NRK: variants seen among roughly 807,000 people sequenced by gnomAD.
NRK encodes nik-related protein kinase.
NRK carries 67 observed loss-of-function variants against 125.2 expected under a neutral mutation model. The ratio of observed to expected loss-of-function variants is 0.54; its 90% CI spans 0.44 to 0.66. The LOEUF (loss-of-function observed/expected upper bound fraction) is 0.66, where lower values mean the gene tolerates loss of function less well. NRK is among the 30% of genes least tolerant of loss of function. The probability of loss-of-function intolerance (pLI) is 0.00; values close to 1 mark genes in which losing one functional copy is unlikely to be tolerated. For synonymous variants in NRK, 458 were observed against 429.0 expected (o/e 1.07, Z -0.84); for missense variants, 1,224 against 1,192.9 (o/e 1.03, Z -0.38).
intron 1 of NRK, 77 bp downstream of exon 1, chrX:105,822,979 G>A: frequency 1.1e-6 from 1 of 936,798 alleles, no homozygotes; most frequent in Non-Finnish European, 1.5e-6. Flanking sequence ...GGGAGCGGAC[G>A]CCCTCAAAAC....
chrX:105,895,649 C>A, intron 7 of NRK, 126 bp downstream of exon 7: 1 of 464,423 alleles, frequency 2.2e-6, no homozygotes, highest in Non-Finnish European at 3.6e-6. Context: ...GTTTTCCCTG[C>A]CTGCAAAACC....
chrX:105,822,735 T>A lies in NRK; in HGVS notation c.-111T>A. ...ACGAACCCCGATCCCCAGACTCCTCTCTCCCGCCCTCCTCCTTCCTCTCTC... is the reference window on the plus strand; with the variant it reads ...ACGAACCCCGATCCCCAGACTCCTCACTCCCGCCCTCCTCCTTCCTCTCTC... On this transcript the variant is annotated 5_prime_UTR_variant, in exon 1 of 29. Coordinates refer to ENST00000243300, the MANE Select transcript of NRK (RefSeq NM_198465.4). 1.4e-6 allele frequency: 1 copy of A among 732,263 alleles called. No homozygotes were observed. The highest frequency in any genetic ancestry group is 2.1e-6 in the Non-Finnish European group (1 of 476,849). 60.3% of individuals were successfully genotyped at this position (732,263 alleles called of 1,213,427 possible).
chrX:105,876,471 G>A, intron 2 of NRK, among the ~76,000 whole-genome samples: 1 of 110,445 alleles, frequency 9.1e-6, no homozygotes, highest in Non-Finnish European at 1.9e-5. Context: ...TATTAATCTT[G>A]TGGAGCTAGT....
intron 16 of NRK, among the ~76,000 whole-genome samples, chrX:105,920,738 C>G (rs998149674): frequency 9.1e-6 from 1 of 109,293 alleles, no homozygotes; most frequent in Non-Finnish European, 1.9e-5. Context: ...AAATGCTCAT[C>G]GTCACTGGCC....
At position 105,894,946 on chromosome X, in the gene NRK, G is replaced by A. The variant is rs185957464; in HGVS notation, c.490-487G>A. Reference sequence around the variant, plus strand: ...TAGTGGTGAATGGGCTAGAGCCAAAGTGTTAAGCCAACACAGATTACAAAT... The same window carrying A: ...TAGTGGTGAATGGGCTAGAGCCAAAATGTTAAGCCAACACAGATTACAAAT... On this transcript the variant is annotated intron_variant, in intron 6 of 28. Coordinates refer to ENST00000243300, the MANE Select transcript of NRK (RefSeq NM_198465.4). Among the ~76,000 whole-genome samples, 223 of 112,248 alleles carry A rather than the reference G, an allele frequency of 2.0e-3. 3 individuals are homozygous for A. The highest frequency in any genetic ancestry group is 6.9e-3 in the African/African-American group (215 of 30,961).
chrX:105,950,167 T>A (rs2040871868), intron 27 of NRK, among the ~76,000 whole-genome samples: 1 of 111,567 alleles, frequency 9.0e-6, no homozygotes, highest in African/African-American at 3.3e-5. Flanking sequence ...GTCAGTAGAG[T>A]TCTATTTTGT....
At chrX:105,874,472 G>A (rs2039788539) in intron 2 of NRK, among the ~76,000 whole-genome samples, 1 of 111,912 alleles carries the variant, frequency 8.9e-6, no homozygotes, top group African/African-American at 3.2e-5. Flanking sequence ...GGTCCCCAGT[G>A]TAAAAATTGA....
intron 19 of NRK, among the ~76,000 whole-genome samples, chrX:105,927,997 C>T (rs2040546757): frequency 9.0e-6 from 1 of 111,503 alleles, no homozygotes; most frequent in Non-Finnish European, 1.9e-5. Flanking sequence ...CAGAGTCATA[C>T]TGACCTCACA....
At chrX:105,876,918 G>A (rs1038595419) in intron 2 of NRK, among the ~76,000 whole-genome samples, 8 of 111,375 alleles carry the variant, frequency 7.2e-5, no homozygotes, top group African/African-American at 2.6e-4. Flanking sequence ...CTCTAGATAG[G>A]TGCCCAAGAA....
intron 2 of NRK, among the ~76,000 whole-genome samples, chrX:105,872,598 C>T (rs1218671253): frequency 1.8e-5 from 2 of 111,461 alleles, no homozygotes; most frequent in African/African-American, 6.5e-5. Context: ...ATCTCAGCCA[C>T]ACCTCCAAAC....
intron 26 of NRK, among the ~76,000 whole-genome samples, chrX:105,947,911 TACTC>T (rs3040967): frequency 0.057 from 6,392 of 111,910 alleles, 176 homozygotes; most frequent in Non-Finnish European, 0.091. Flanking sequence ...ATTAGCTTAT[TACTC>T]AGTTGTTGCC....
At chrX:105,883,139 G>T (rs1486806562) in intron 4 of NRK, among the ~76,000 whole-genome samples, 1 of 112,033 alleles carries the variant, frequency 8.9e-6, no homozygotes, top group Non-Finnish European at 1.9e-5. Context: ...TACCCACTTG[G>T]TCTGATGGAT....
intron 2 of NRK, among the ~76,000 whole-genome samples, chrX:105,863,821 G>A (rs1235848581): frequency 8.9e-6 from 1 of 111,884 alleles, no homozygotes; most frequent in Non-Finnish European, 1.9e-5. Context: ...TTCTCAGACT[G>A]TCATTTCCCA....
At chrX:105,929,628 G>A (rs1291511513) in intron 19 of NRK, among the ~76,000 whole-genome samples, 2 of 109,809 alleles carry the variant, frequency 1.8e-5, no homozygotes, top group Non-Finnish European at 3.8e-5. Flanking sequence ...GTAATCTTTT[G>A]TAGTAATAAG....
chrX:105,943,276 A>G (rs756376252), intron 23 of NRK, among the ~76,000 whole-genome samples: 5 of 111,906 alleles, frequency 4.5e-5, no homozygotes. Flanking sequence ...TCCCAGCACC[A>G]TTTGTTGAAA....
At chrX:105,908,057 A>C in intron 11 of NRK, 183 bp from the exon 12 acceptor site, 2 of 321,179 alleles carry the variant, frequency 6.2e-6, no homozygotes, top group Non-Finnish European at 1.1e-5. Context: ...ATTGTGCTGC[A>C]AAAGTGGGCC....
rs184716252 is a variant in NRK, at chrX:105,934,492, T to C, written c.3499+48T>C. ...CTAAATGCTACTATCTGTTCACTTA[T>C]TAAATAGTGTTTAACCACTGCTTCA... On this transcript the variant is annotated intron_variant, in intron 20 of 28. Transcript: ENST00000243300. 5 of 788,388 alleles carry C rather than the reference T, an allele frequency of 6.3e-6. No individual in the cohort carries two copies. The Admixed American group carries it at 1.4e-4, about 22-fold the overall frequency. 65.0% of individuals were successfully genotyped at this position (788,388 alleles called of 1,213,427 possible).
At position 105,958,006 on chromosome X, in the gene NRK, G is replaced by A. The variant is rs1222009288; in HGVS notation, c.*2406G>A. On this transcript the variant is annotated 3_prime_UTR_variant, in exon 29 of 29. Coordinates refer to ENST00000243300, the MANE Select transcript of NRK (RefSeq NM_198465.4). ...CACAGAAGTGTGGAGGGGGGCTCCT[G>A]ACTAGACAATTTCCCTAGCCCTTGT... 1 of 112,322 alleles carries A rather than the reference G, an allele frequency of 8.9e-6. No individual in the cohort carries two copies. The highest frequency in any genetic ancestry group is 9.4e-5 in the Admixed American group (1 of 10,603). The allele number at this position is 112,322 out of a possible 1,213,427, so 9.3% of individuals were successfully genotyped here. A position where few individuals can be genotyped will look rare whatever the true frequency, so the allele number is the denominator to read the frequency against.
intron 27 of NRK, among the ~76,000 whole-genome samples, chrX:105,952,713 G>A (rs1416090123): frequency 8.9e-6 from 1 of 112,096 alleles, no homozygotes; most frequent in African/African-American, 3.2e-5. Flanking sequence ...GTGGCTGTGA[G>A]TAGATCACAA....
Sources: allele counts gnomAD v4.1 joint callset (sites outside exome capture counted in the v4.1 genomes callset), GRCh38; gene constraint gnomAD v4.1.1; transcripts MANE v1.5; gene names NCBI Gene and HGNC (gene_info 2026-07-23, HGNC 2026-07-21).